DLG2: variants seen among roughly 807,000 people sequenced by gnomAD.
DLG2 encodes disks large homolog 2.
DLG2 carries 45 observed loss-of-function variants against 132.5 expected under a neutral mutation model. The ratio of observed to expected loss-of-function variants is 0.34; its 90% CI spans 0.27 to 0.44. The LOEUF (loss-of-function observed/expected upper bound fraction) is 0.44, where lower values mean the gene tolerates loss of function less well. DLG2 is among the 20% of genes least tolerant of loss of function. The probability of loss-of-function intolerance (pLI) is 1.00; values close to 1 mark genes in which losing one functional copy is unlikely to be tolerated. For missense variants in DLG2, 1,045 were observed against 1,196.9 expected (o/e 0.87, Z 1.87); for synonymous variants, 424 against 419.6 (o/e 1.01, Z -0.13).
intron 19 of DLG2, among the ~76,000 whole-genome samples, chr11:83,618,877 A>G (rs1034740153): frequency 1.3e-5 from 2 of 152,212 alleles, no homozygotes; most frequent in African/African-American, 4.8e-5. Context: ...TACCCTCTGC[A>G]TAGGTGTCAG....
At chr11:83,890,898 T>C (rs1176501808) in intron 15 of DLG2, among the ~76,000 whole-genome samples, 5 of 152,122 alleles carry the variant, frequency 3.3e-5, no homozygotes, top group East Asian at 1.9e-4. Flanking sequence ...GAGTGAGGAA[T>C]CCAGGACAAC....
At chr11:85,570,852 C>T (rs182697143) in intron 3 of DLG2, among the ~76,000 whole-genome samples, 116 of 152,140 alleles carry the variant, frequency 7.6e-4, no homozygotes, top group African/African-American at 2.6e-3. Flanking sequence ...ATCTTCCAGT[C>T]GCTGAATTTT....
chr11:84,711,031 T>TAC (rs200669410), intron 6 of DLG2, among the ~76,000 whole-genome samples: 1 of 124,830 alleles, frequency 8.0e-6, no homozygotes, highest in African/African-American at 3.7e-5. Flanking sequence ...TATATATATA[T>TAC]AGAGCTGAAA....
At chr11:85,219,533 AGAG>A in intron 4 of DLG2, among the ~76,000 whole-genome samples, 1 of 151,874 alleles carries the variant, frequency 6.6e-6, no homozygotes, top group East Asian at 1.9e-4. Flanking sequence ...TGAGGGTTCT[AGAG>A]GAGGATATTT....
intron 6 of DLG2, among the ~76,000 whole-genome samples, chr11:84,785,607 T>C (rs1199983086): frequency 6.6e-6 from 1 of 152,170 alleles, no homozygotes; most frequent in East Asian, 1.9e-4. Flanking sequence ...TGAAATTGTA[T>C]AGAACCAACA....
At position 84,056,063 on chromosome 11, in the gene DLG2, G is replaced by GT. The variant is rs554498717; in HGVS notation, c.919+3251dup. 2.1e-3 allele frequency among the ~76,000 whole-genome samples: 321 copies of GT among 150,090 alleles called. 10 individuals are homozygous for GT. In the South Asian group the frequency reaches 0.055, roughly 26 times the overall value. On this transcript the variant is annotated intron_variant, in intron 11 of 27. Coordinates refer to ENST00000376104, the MANE Select transcript of DLG2 (RefSeq NM_001142699.3). ...GTCAGATAAACTATGCACATGTTAA[G>GT]TTTTTTTTTTCTTTTAAAGTTCTGG...
At chr11:84,536,874 A>C (rs138851790) in intron 6 of DLG2, among the ~76,000 whole-genome samples, 7 of 152,248 alleles carry the variant, frequency 4.6e-5, no homozygotes, top group Non-Finnish European at 1.0e-4. Context: ...TCAGGATCCC[A>C]TAAGTTCTCA....
chr11:84,354,872 G>C (rs2098601757), intron 7 of DLG2, among the ~76,000 whole-genome samples: 1 of 152,164 alleles, frequency 6.6e-6, no homozygotes, highest in African/African-American at 2.4e-5. Flanking sequence ...CCTGAAAGTA[G>C]AGACAAAAAC....
chr11:85,026,329 C>A (rs573650), intron 6 of DLG2, among the ~76,000 whole-genome samples: 107,420 of 152,006 alleles, frequency 0.71, 38,961 homozygotes, highest in East Asian at 0.94. Flanking sequence ...TTGGTAGTAA[C>A]GGAATTGCAA....
chr11:84,132,477 TA>T (rs1274314540), intron 9 of DLG2, among the ~76,000 whole-genome samples: 1 of 151,884 alleles, frequency 6.6e-6, no homozygotes, highest in Non-Finnish European at 1.5e-5. Flanking sequence ...ACACATCACT[TA>T]AAGAAATGAG....
chr11:85,207,106 T>C (rs1359346788), intron 4 of DLG2, among the ~76,000 whole-genome samples: 1 of 152,196 alleles, frequency 6.6e-6, no homozygotes, highest in Non-Finnish European at 1.5e-5. Flanking sequence ...TATATAGTAA[T>C]TAAATTTTTA....
At chr11:84,021,764 T>C (rs938591379) in intron 11 of DLG2, among the ~76,000 whole-genome samples, 25 of 149,678 alleles carry the variant, frequency 1.7e-4, no homozygotes, top group African/African-American at 6.1e-4. Flanking sequence ...AACTACTTCT[T>C]TTTTTTTTTT....
intron 15 of DLG2, among the ~76,000 whole-genome samples, chr11:83,881,906 A>C (rs888529618): frequency 6.6e-6 from 1 of 152,196 alleles, no homozygotes; most frequent in Non-Finnish European, 1.5e-5. Context: ...TGATCTTGAA[A>C]ATCTAAAAAA....
rs535387580 is a variant in DLG2 at position 83,950,491 on chromosome 11, G to A, written c.1340+12394C>T. Among the ~76,000 whole-genome samples the A allele has an allele frequency of 1.3e-3, 194 of 152,322 alleles. 3 individuals are homozygous for A. Among genetic ancestry groups the A allele is most frequent in the Non-Finnish European group, 1.9e-3 (132 of 68,030 alleles). Reference sequence around the variant, plus strand: ...TGCCTGTAATCCTAGCTACTTGGGAGGCTGAGGCAGTAGAATAGCTTGAAT... The same window carrying A: ...TGCCTGTAATCCTAGCTACTTGGGAAGCTGAGGCAGTAGAATAGCTTGAAT... On this transcript the variant is annotated intron_variant, in intron 14 of 27. Coordinates refer to ENST00000376104, the MANE Select transcript of DLG2 (RefSeq NM_001142699.3).
chr11:83,592,798 A>G (rs1252736094), intron 19 of DLG2, among the ~76,000 whole-genome samples: 1 of 148,928 alleles, frequency 6.7e-6, no homozygotes, highest in Non-Finnish European at 1.5e-5. Context: ...AATTTACAAG[A>G]AAAAAACAAA....
At chr11:84,333,781 A>G (rs1600099455) in intron 7 of DLG2, among the ~76,000 whole-genome samples, 2 of 152,216 alleles carry the variant, frequency 1.3e-5, no homozygotes, top group African/African-American at 4.8e-5. Flanking sequence ...CTTTAATCCT[A>G]GTATCACTCA....
At chr11:85,486,755 G>A (rs1367311760) in intron 3 of DLG2, among the ~76,000 whole-genome samples, 1 of 151,858 alleles carries the variant, frequency 6.6e-6, no homozygotes, top group Non-Finnish European at 1.5e-5. Flanking sequence ...TATCACACCT[G>A]CTGCCCAGGG....
At chr11:85,278,806 G>A (rs2078054856) in intron 4 of DLG2, among the ~76,000 whole-genome samples, 1 of 152,032 alleles carries the variant, frequency 6.6e-6, no homozygotes, top group Non-Finnish European at 1.5e-5. Flanking sequence ...CGGCTATAGT[G>A]TAAAGGAAAA....
At chr11:85,136,258 T>C (rs1444495044) in intron 5 of DLG2, among the ~76,000 whole-genome samples, 1 of 152,214 alleles carries the variant, frequency 6.6e-6, no homozygotes, top group Non-Finnish European at 1.5e-5. Flanking sequence ...TATATTCATT[T>C]GTTTGTATTC....
Sources: allele counts gnomAD v4.1 joint callset (sites outside exome capture counted in the v4.1 genomes callset), GRCh38; gene constraint gnomAD v4.1.1; transcripts MANE v1.5; gene names NCBI Gene and HGNC (gene_info 2026-07-23, HGNC 2026-07-21).